Variants in SBF2 observed in about 807,000 individuals in gnomAD.
The protein encoded by SBF2 is myotubularin-related protein 13.
SBF2 carries 112 observed loss-of-function variants against 225.2 expected under a neutral mutation model. The ratio of observed to expected loss-of-function variants is 0.50; its 90% CI spans 0.43 to 0.58. The LOEUF (loss-of-function observed/expected upper bound fraction) is 0.58, where lower values mean the gene tolerates loss of function less well. Among genes scored for constraint, SBF2 ranks in the 20% least tolerant of loss-of-function variants. The probability of loss-of-function intolerance (pLI) is 0.00; values close to 1 mark genes in which losing one functional copy is unlikely to be tolerated. For synonymous variants in SBF2, 763 were observed against 773.3 expected (o/e 0.99, Z 0.22); for missense variants, 1,996 against 2,206.2 (o/e 0.90, Z 1.91).
intron 23 of SBF2, among the ~76,000 whole-genome samples, 165 bp downstream of exon 23, chr11:9,846,791 A>G (rs948264985): frequency 5.9e-5 from 9 of 152,158 alleles, no homozygotes; most frequent in Non-Finnish European, 7.3e-5. Flanking sequence ...TAAATCCAAG[A>G]CTATTCATGA....
In SBF2 at chr11:10,112,678, A is replaced by C. The variant is rs369704719; in HGVS notation, c.142-69697T>G. Reference sequence around the variant, plus strand: ...ATTTGTAAGGCTCAAGAAACAGAAGACAGAAGCAAAATGAATAAACAGAAG... The same window carrying C: ...ATTTGTAAGGCTCAAGAAACAGAAGCCAGAAGCAAAATGAATAAACAGAAG... On this transcript the variant is annotated intron_variant, in intron 2 of 39. Coordinates refer to ENST00000256190, the MANE Select transcript of SBF2 (RefSeq NM_030962.4). Among the ~76,000 whole-genome samples the C allele has an allele frequency of 4.6e-5, 7 of 152,358 alleles. No homozygotes were observed. The East Asian group carries it at 1.3e-3, about 29-fold the overall frequency.
intron 16 of SBF2, chr11:9,929,123 C>A: frequency 7.1e-6 from 2 of 279,820 alleles, no homozygotes; most frequent in South Asian, 4.6e-5. Context: ...TGGGAGCAAT[C>A]ATCAAAGCTC....
chr11:10,123,567 G>A (rs1953584925), intron 2 of SBF2, among the ~76,000 whole-genome samples: 1 of 151,472 alleles, frequency 6.6e-6, no homozygotes, highest in Admixed American at 6.6e-5. Context: ...CTTGAAAAAA[G>A]AGAGAGAAAT....
At chr11:10,180,707 G>A (rs1297024732) in intron 2 of SBF2, among the ~76,000 whole-genome samples, 3 of 152,012 alleles carry the variant, frequency 2.0e-5, no homozygotes, top group African/African-American at 7.2e-5. Context: ...ATAACTCTTA[G>A]ATTTGCCCCA....
At chr11:10,020,261 C>T (rs1210386570) in intron 6 of SBF2, among the ~76,000 whole-genome samples, 2 of 152,044 alleles carry the variant, frequency 1.3e-5, no homozygotes, top group Non-Finnish European at 2.9e-5. Context: ...AGTTTAACTG[C>T]TATATGACCT....
intron 1 of SBF2, among the ~76,000 whole-genome samples, chr11:10,225,384 G>A (rs1473151967): frequency 6.6e-6 from 1 of 151,336 alleles, no homozygotes; most frequent in Non-Finnish European, 1.5e-5. Flanking sequence ...AATAGAGGCA[G>A]CATTTTGAAA....
At chr11:9,846,367 C>T (rs1856548579) in intron 23 of SBF2, among the ~76,000 whole-genome samples, 1 of 152,140 alleles carries the variant, frequency 6.6e-6, no homozygotes, top group South Asian at 2.1e-4. Flanking sequence ...AAGAATAAGA[C>T]AAGCAAAATA....
intron 16 of SBF2, among the ~76,000 whole-genome samples, chr11:9,923,309 AAACAACAAC>A (rs112653428): frequency 4.0e-5 from 6 of 151,476 alleles, no homozygotes; most frequent in African/African-American, 1.5e-4. Flanking sequence ...CCCTAGTTAA[AAACAACAAC>A]AACAACAACA....
chr11:10,153,749 C>A (rs553562990), intron 2 of SBF2, among the ~76,000 whole-genome samples: 1 of 151,746 alleles, frequency 6.6e-6, no homozygotes, highest in Non-Finnish European at 1.5e-5. Context: ...AAAAGATCAA[C>A]AAAATTTATA....
intron 1 of SBF2, among the ~76,000 whole-genome samples, chr11:10,219,032 C>T (rs1266829179): frequency 6.6e-6 from 1 of 152,082 alleles, no homozygotes; most frequent in African/African-American, 2.4e-5. Context: ...GGATGGTGGC[C>T]CTCTTCTCGT....
chr11:9,824,543 C>A (rs868457382), intron 28 of SBF2, among the ~76,000 whole-genome samples: 1 of 139,806 alleles, frequency 7.2e-6, no homozygotes, highest in African/African-American at 2.7e-5. Flanking sequence ...AGCCTGGTGA[C>A]AGAGCGAGAC....
intron 13 of SBF2, among the ~76,000 whole-genome samples, chr11:9,975,528 A>G (rs1262950271): frequency 1.3e-5 from 2 of 152,202 alleles, no homozygotes; most frequent in Non-Finnish European, 2.9e-5. Context: ...AGTGATAGAA[A>G]TACTCTACCT....
chr11:9,788,968 G>T (rs970772073), intron 35 of SBF2, 141 bp downstream of exon 35: 2 of 724,868 alleles, frequency 2.8e-6, no homozygotes, highest in Admixed American at 2.1e-5. Flanking sequence ...TGATGATGGG[G>T]AGCAAATCTG....
chr11:9,814,550 G>T (rs1220535093), intron 29 of SBF2, among the ~76,000 whole-genome samples: 1 of 152,132 alleles, frequency 6.6e-6, no homozygotes, highest in African/African-American at 2.4e-5. Context: ...AATTGTGACT[G>T]TAATTTTATA....
intron 2 of SBF2, among the ~76,000 whole-genome samples, chr11:10,165,512 A>C (rs1955911847): frequency 6.6e-6 from 1 of 152,210 alleles, no homozygotes; most frequent in African/African-American, 2.4e-5. Flanking sequence ...TTAGCCAAAA[A>C]TGATGTCCAA....
chr11:9,826,295 C>A (rs994275557), intron 28 of SBF2, among the ~76,000 whole-genome samples: 4 of 152,118 alleles, frequency 2.6e-5, no homozygotes, highest in African/African-American at 4.8e-5. Context: ...TGTGAGAACA[C>A]CTAGAGTGCT....
intron 19 of SBF2, among the ~76,000 whole-genome samples, 166 bp downstream of exon 19, chr11:9,856,292 T>C (rs1857308639): frequency 6.6e-6 from 1 of 152,152 alleles, no homozygotes; most frequent in African/African-American, 2.4e-5. Flanking sequence ...TAGGATGAAG[T>C]GAATCTTTTA....
rs1956426812 is a variant in SBF2 at position 10,175,566 on chromosome 11, G to A, written c.141+18336C>T. ...AGACTCCCACACAATAATAATGGGA[G>A]ACTTTAACACCCCACTGTCAACATT... On this transcript the variant is annotated intron_variant, in intron 2 of 39. Coordinates refer to ENST00000256190, the MANE Select transcript of SBF2 (RefSeq NM_030962.4). 2.0e-5 allele frequency among the ~76,000 whole-genome samples: 3 copies of A among 151,756 alleles called. 1 individual carries two copies. In the Middle Eastern group the frequency reaches 0.01, roughly 516 times the overall value.
intron 28 of SBF2, among the ~76,000 whole-genome samples, chr11:9,825,835 C>T (rs1051848976): frequency 1.3e-5 from 2 of 152,128 alleles, no homozygotes; most frequent in South Asian, 2.1e-4. Flanking sequence ...TGGATTAAAA[C>T]GATTGACAGA....
Sources: gnomAD v4.1 joint callset for allele counts (sites outside exome capture counted in the v4.1 genomes callset) on GRCh38, gnomAD v4.1.1 for gene constraint, MANE v1.5 for transcripts, NCBI Gene and HGNC (gene_info 2026-07-23, HGNC 2026-07-21) for gene names.